Variants in PTCSC3 observed in about 807,000 individuals in gnomAD.
The protein encoded by PTCSC3 is papillary thyroid carcinoma susceptibility candidate 3 (non-protein coding).
chr14:36,140,301 G>A (rs901504821), intron 3 of PTCSC3, among the ~76,000 whole-genome samples: 2 of 152,156 alleles, frequency 1.3e-5, no homozygotes, highest in African/African-American at 4.8e-5. Flanking sequence ...TCAACATTGT[G>A]TGCAGGTTTT....
At chr14:36,137,771 C>T (rs1881321288) in intron 3 of PTCSC3, among the ~76,000 whole-genome samples, 1 of 152,182 alleles carries the variant, frequency 6.6e-6, no homozygotes, top group Non-Finnish European at 1.5e-5. Flanking sequence ...GCAAAAGGAG[C>T]AGGTATGGTG....
At chr14:36,164,186 A>T (rs575637251) in intron 1 of PTCSC3, 3 of 152,348 alleles carry the variant, frequency 2.0e-5, no homozygotes, top group African/African-American at 7.2e-5. Context: ...TATTCGGGAA[A>T]CTATGACAGG....
At chr14:36,150,588 C>T (rs955169619) in intron 3 of PTCSC3, among the ~76,000 whole-genome samples, 4 of 152,138 alleles carry the variant, frequency 2.6e-5, no homozygotes, top group Non-Finnish European at 4.4e-5. Context: ...AAATTGTTTT[C>T]TATTTGTTTC....
rs79296330 is a variant in PTCSC3 at position 36,142,488 on chromosome 14, G to A, written n.323-6132C>T. ...TGGTTTTGGTATTAAGGTGATACTGGCCTATTAGAATAAATTAGTAAGTGT... is the reference window on the plus strand; with the variant it reads ...TGGTTTTGGTATTAAGGTGATACTGACCTATTAGAATAAATTAGTAAGTGT... On this transcript the variant is annotated intron_variant and non_coding_transcript_variant, in intron 3 of 3. Transcript: ENST00000556013. Among the ~76,000 whole-genome samples the A allele has an allele frequency of 5.0e-3, 766 of 152,136 alleles. 6 individuals carry two copies. The highest frequency in any genetic ancestry group is 0.034 in the Middle Eastern group (10 of 294).
Position 36,154,416 on chromosome 14 carries a change from C to T in PTCSC3, n.232-522G>A, listed in dbSNP as rs187601913. On this transcript the variant is annotated intron_variant and non_coding_transcript_variant, in intron 2 of 3. Transcript: ENST00000556013. ...TTATCACAAACATGCTGAAAAGATA[C>T]CAAAATGTTAATGGTGAATATCAAT... 3.0e-3 allele frequency among the ~76,000 whole-genome samples: 449 copies of T among 152,122 alleles called. 1 individual carries two copies. The highest frequency in any genetic ancestry group is 4.8e-3 in the Non-Finnish European group (325 of 68,000).
chr14:36,138,300 T>C (rs776387849), intron 3 of PTCSC3, among the ~76,000 whole-genome samples: 2 of 152,196 alleles, frequency 1.3e-5, no homozygotes, highest in Non-Finnish European at 2.9e-5. Context: ...ATGTCCTTGG[T>C]ATAGGCAAAG....
chr14:36,147,317 G>C (rs1881599339), intron 3 of PTCSC3, among the ~76,000 whole-genome samples: 1 of 151,922 alleles, frequency 6.6e-6, no homozygotes, highest in Non-Finnish European at 1.5e-5. Context: ...ACGTAGATTT[G>C]GTCTTTTCAC....
chr14:36,168,410 T>A (rs184058747), intron 1 of PTCSC3, among the ~76,000 whole-genome samples: 1 of 145,074 alleles, frequency 6.9e-6, no homozygotes, highest in African/African-American at 2.6e-5. Context: ...CTACTTTTTG[T>A]GTGGCTGCAG....
At chr14:36,163,325 C>T (rs1882011560) in intron 1 of PTCSC3, among the ~76,000 whole-genome samples, 1 of 152,058 alleles carries the variant, frequency 6.6e-6, no homozygotes, top group Admixed American at 6.5e-5. Context: ...TCTCTGCACT[C>T]CCCCAAGGTA....
At chr14:36,149,500 T>C in intron 3 of PTCSC3, among the ~76,000 whole-genome samples, 1 of 152,374 alleles carries the variant, frequency 6.6e-6, no homozygotes, top group Non-Finnish European at 1.5e-5. Flanking sequence ...TCCAGTTGAC[T>C]GACAGTGCTG....
At chr14:36,170,246 TTTC>T (rs1882167775) in intron 1 of PTCSC3, among the ~76,000 whole-genome samples, 1 of 152,074 alleles carries the variant, frequency 6.6e-6, no homozygotes, top group Admixed American at 6.6e-5. Flanking sequence ...GTTCGCATTA[TTTC>T]TTTTTACCTT....
intron 3 of PTCSC3, among the ~76,000 whole-genome samples, chr14:36,139,436 G>A (rs1027723437): frequency 6.6e-6 from 1 of 152,124 alleles, no homozygotes; most frequent in Non-Finnish European, 1.5e-5. Flanking sequence ...CTGGGCTCCA[G>A]TTTTAAAATA....
intron 2 of PTCSC3, among the ~76,000 whole-genome samples, chr14:36,158,633 T>C (rs1472462751): frequency 6.6e-6 from 1 of 152,212 alleles, no homozygotes; most frequent in Admixed American, 6.5e-5. Flanking sequence ...AGCTTTTTGA[T>C]GTGCTGCTGG....
At chr14:36,154,172 T>C (rs923271045) in intron 2 of PTCSC3, among the ~76,000 whole-genome samples, 1 of 151,868 alleles carries the variant, frequency 6.6e-6, no homozygotes, top group Non-Finnish European at 1.5e-5. Context: ...CAGGCACAAA[T>C]AGTCAATGCC....
chr14:36,149,038 G>A (rs142758108), intron 3 of PTCSC3, among the ~76,000 whole-genome samples: 261 of 151,380 alleles, frequency 1.7e-3, no homozygotes, highest in Middle Eastern at 6.9e-3. Flanking sequence ...TCTTCTGCTT[G>A]CTTTAAGGTT....
At chr14:36,150,542 G>A (rs1200709968) in intron 3 of PTCSC3, among the ~76,000 whole-genome samples, 2 of 152,182 alleles carry the variant, frequency 1.3e-5, no homozygotes, top group African/African-American at 2.4e-5. Flanking sequence ...GACATCTAAA[G>A]TGATTATTGA....
chr14:36,149,256 A>G (rs1056746958), intron 3 of PTCSC3, among the ~76,000 whole-genome samples: 1 of 151,904 alleles, frequency 6.6e-6, no homozygotes, highest in Non-Finnish European at 1.5e-5. Flanking sequence ...GTGTTATTTA[A>G]AAGTGTGTTG....
At chr14:36,173,360 A>C (rs955945087) in intron 1 of PTCSC3, among the ~76,000 whole-genome samples, 1 of 152,218 alleles carries the variant, frequency 6.6e-6, no homozygotes, top group Admixed American at 6.5e-5. Context: ...CAACACTGTA[A>C]CTCTGAATCA....
intron 3 of PTCSC3, among the ~76,000 whole-genome samples, chr14:36,151,542 T>A: frequency 6.6e-6 from 1 of 152,246 alleles, no homozygotes; most frequent in Non-Finnish European, 1.5e-5. Flanking sequence ...CCACAGTTCT[T>A]GGATGTTCTG....
Sources: gnomAD v4.1 joint callset for allele counts (sites outside exome capture counted in the v4.1 genomes callset) on GRCh38, gnomAD v4.1.1 for gene constraint, MANE v1.5 for transcripts, NCBI Gene and HGNC (gene_info 2026-07-23, HGNC 2026-07-21) for gene names.